The following WWOX variants were observed in gnomAD, a reference collection of about 807,000 sequenced individuals.
WWOX encodes WW domain containing oxidoreductase, also known as WW domain-containing oxidoreductase.
A neutral mutation model predicts 46.2 loss-of-function variants in WWOX; 69 were observed. The observed-to-expected ratio is 1.49, with a 90% confidence interval of 1.23 to 1.82. The LOEUF is 1.82. Ranked by LOEUF, WWOX falls within the 40% of genes most tolerant of loss-of-function variation. The pLI, the probability that WWOX is intolerant of heterozygous loss-of-function variation, is 0.00. For missense variants in WWOX, 919 were observed against 542.6 expected (o/e 1.69, Z -6.89); for synonymous variants, 359 against 202.6 (o/e 1.77, Z -6.56).
intron 8 of WWOX, among the ~76,000 whole-genome samples, chr16:79,080,533 T>C (rs369400702): frequency 6.6e-6 from 1 of 152,326 alleles, no homozygotes. Context: ...ATTTGCACAT[T>C]ATAGCCACAA....
chr16:78,663,387 A>T (rs759575076), intron 8 of WWOX, among the ~76,000 whole-genome samples: 1 of 152,130 alleles, frequency 6.6e-6, no homozygotes, highest in Non-Finnish European at 1.5e-5. Context: ...ATAATATTCT[A>T]TTCTATCAAT....
intron 8 of WWOX, among the ~76,000 whole-genome samples, chr16:79,187,070 G>T (rs1441815270): frequency 6.6e-6 from 1 of 152,118 alleles, no homozygotes; most frequent in Non-Finnish European, 1.5e-5. Flanking sequence ...ATGACTCTTT[G>T]GGTATTGTGT....
At chr16:78,547,127 GAAAAAAA>G (rs199726097) in intron 8 of WWOX, among the ~76,000 whole-genome samples, 1,695 of 87,078 alleles carry the variant, frequency 0.019, 8 homozygotes, top group African/African-American at 0.077. Context: ...CCTTGTCTCA[GAAAAAAA>G]AAAAAAAAAA....
At chr16:78,181,323 C>A (rs2035526370) in intron 5 of WWOX, among the ~76,000 whole-genome samples, 1 of 152,044 alleles carries the variant, frequency 6.6e-6, no homozygotes, top group South Asian at 2.1e-4. Context: ...TCAGTGTTCT[C>A]TGATCATTTC....
At chr16:78,928,243 C>G (rs1259771165) in intron 8 of WWOX, among the ~76,000 whole-genome samples, 2 of 149,062 alleles carry the variant, frequency 1.3e-5, no homozygotes, top group African/African-American at 5.0e-5. Context: ...CGCTCTGTCG[C>G]CCAGGCTGGA....
chr16:78,869,529 T>A (rs2044080650), intron 8 of WWOX, among the ~76,000 whole-genome samples: 1 of 152,244 alleles, frequency 6.6e-6, no homozygotes, highest in African/African-American at 2.4e-5. Context: ...AGGATTCATT[T>A]CATGACCCAA....
chr16:78,882,655 CTT>C (rs2044368174), intron 8 of WWOX, among the ~76,000 whole-genome samples: 1 of 151,730 alleles, frequency 6.6e-6, no homozygotes, highest in African/African-American at 2.4e-5. Flanking sequence ...GCCCAGCTAA[CTT>C]TTGTATTTTT....
chr16:79,037,833 G>A (rs922134439), intron 8 of WWOX, among the ~76,000 whole-genome samples: 2 of 152,054 alleles, frequency 1.3e-5, no homozygotes, highest in Admixed American at 1.3e-4. Context: ...CCAGAGGTCA[G>A]CATTCCATCC....
chr16:78,948,563 T>G (rs1433528549), intron 8 of WWOX, among the ~76,000 whole-genome samples: 1 of 152,078 alleles, frequency 6.6e-6, no homozygotes, highest in Non-Finnish European at 1.5e-5. Context: ...CAGCTCTGCT[T>G]CATGCCTGCT....
intron 8 of WWOX, among the ~76,000 whole-genome samples, chr16:78,819,984 C>G (rs1308480541): frequency 2.0e-5 from 3 of 152,150 alleles, no homozygotes; most frequent in Admixed American, 6.5e-5. Context: ...ATATCAACAT[C>G]TGTAAAATGG....
At chr16:78,692,026 A>C (rs2048001522) in intron 8 of WWOX, among the ~76,000 whole-genome samples, 1 of 152,176 alleles carries the variant, frequency 6.6e-6, no homozygotes, top group Admixed American at 6.5e-5. Flanking sequence ...CCATGTAAGA[A>C]GTGCCTTTTG....
chr16:78,819,983 T>A (rs1275664710), intron 8 of WWOX, among the ~76,000 whole-genome samples: 3 of 152,184 alleles, frequency 2.0e-5, no homozygotes, highest in Admixed American at 6.5e-5. Flanking sequence ...GATATCAACA[T>A]CTGTAAAATG....
intron 8 of WWOX, among the ~76,000 whole-genome samples, chr16:78,652,358 A>C (rs1278051813): frequency 6.6e-6 from 1 of 150,462 alleles, no homozygotes; most frequent in East Asian, 2.0e-4. Flanking sequence ...GCAGCGAGTC[A>C]AGGTCACGCC....
At chr16:78,725,781 C>T (rs897912524) in intron 8 of WWOX, among the ~76,000 whole-genome samples, 26 of 152,044 alleles carry the variant, frequency 1.7e-4, no homozygotes, top group Non-Finnish European at 3.4e-4. Context: ...GGATGATCTA[C>T]TCCATGCCTT....
intron 8 of WWOX, among the ~76,000 whole-genome samples, chr16:78,724,432 C>G (rs1392702611): frequency 6.6e-6 from 1 of 152,100 alleles, no homozygotes; most frequent in Non-Finnish European, 1.5e-5. Context: ...AGGTAAATGG[C>G]TTTTAGCACA....
intron 8 of WWOX, among the ~76,000 whole-genome samples, chr16:78,914,024 G>A (rs538103344): frequency 6.6e-6 from 1 of 152,090 alleles, no homozygotes; most frequent in Non-Finnish European, 1.5e-5. Context: ...GTCCATCTGA[G>A]GATCATCAGA....
chr16:79,191,712 C>T (rs979122955), intron 8 of WWOX, among the ~76,000 whole-genome samples: 1 of 152,178 alleles, frequency 6.6e-6, no homozygotes, highest in Non-Finnish European at 1.5e-5. Context: ...CCACCTACCC[C>T]AACCTGGCAA....
chr16:78,789,079 G>A (rs1417009522), intron 8 of WWOX, among the ~76,000 whole-genome samples: 1 of 152,170 alleles, frequency 6.6e-6, no homozygotes, highest in Non-Finnish European at 1.5e-5. Context: ...AAGTTTGGGT[G>A]TTGTATCTAA....
At chr16:78,939,073 G>A (rs577144897) in intron 8 of WWOX, among the ~76,000 whole-genome samples, 1 of 152,352 alleles carries the variant, frequency 6.6e-6, no homozygotes, top group South Asian at 2.1e-4. Flanking sequence ...GGAGTGGGTA[G>A]CCACAGGAGG....
Sources: allele counts gnomAD v4.1 joint callset (sites outside exome capture counted in the v4.1 genomes callset), GRCh38; gene constraint gnomAD v4.1.1; transcripts MANE v1.5; gene names NCBI Gene and HGNC (gene_info 2026-07-23, HGNC 2026-07-21).